The following PI4KA variants were observed in gnomAD, a reference collection of about 807,000 sequenced individuals.
PI4KA encodes PI4-kinase alpha.
A neutral mutation model predicts 271.4 loss-of-function variants in PI4KA; 122 were observed. The ratio of observed to expected loss-of-function variants is 0.45; its 90% CI spans 0.39 to 0.52. PI4KA has a LOEUF of 0.52. PI4KA is among the 20% of genes least tolerant of loss of function. The pLI, the probability that PI4KA is intolerant of heterozygous loss-of-function variation, is 0.00. For missense variants in PI4KA, 1,969 were observed against 2,769.1 expected (o/e 0.71, Z 6.48); for synonymous variants, 1,041 against 1,078.8 (o/e 0.96, Z 0.69).
chr22:20,799,299 G>A (rs778132952), intron 15 of PI4KA, 23 bp from the exon 16 acceptor site: 14 of 1,507,792 alleles, frequency 9.3e-6, no homozygotes, highest in South Asian at 2.7e-5. Context: ...GAACAGAAGC[G>A]CCCTAGCAAC....
chr22:20,736,073 G>GA (rs1928683080), intron 32 of PI4KA, among the ~76,000 whole-genome samples: 1 of 152,120 alleles, frequency 6.6e-6, no homozygotes, highest in South Asian at 2.1e-4. Context: ...CACACACTGA[G>GA]AAACACTAAG....
rs186928407 is a variant in PI4KA, at chr22:20,845,791, G to C, written c.157-7060C>G. Among the ~76,000 whole-genome samples the C allele has an allele frequency of 1.7e-3, 256 of 152,282 alleles. 2 individuals carry two copies. Among genetic ancestry groups the C allele is most frequent in the African/African-American group, 5.9e-3 (247 of 41,556 alleles). ...GAGGTGGGAGTACTGCTTGAGCCTA[G>C]GAGTTAGAGGCTGCAGTAAGCTATG... On this transcript the variant is annotated intron_variant, in intron 1 of 54. Transcript: ENST00000255882.
At chr22:20,778,529 T>G (rs1933485367) in intron 19 of PI4KA, among the ~76,000 whole-genome samples, 1 of 151,798 alleles carries the variant, frequency 6.6e-6, no homozygotes, top group Non-Finnish European at 1.5e-5. Context: ...CAAAAGCCAA[T>G]TACAACAACA....
chr22:20,743,478 C>CAA (rs1929700579), intron 30 of PI4KA, among the ~76,000 whole-genome samples: 1 of 149,514 alleles, frequency 6.7e-6, no homozygotes, highest in Non-Finnish European at 1.5e-5. Flanking sequence ...TTCTTTGAGA[C>CAA]AGAGTCTTGC....
intron 19 of PI4KA, among the ~76,000 whole-genome samples, chr22:20,769,594 A>G (rs1413291359): frequency 6.6e-6 from 1 of 151,386 alleles, no homozygotes; most frequent in Non-Finnish European, 1.5e-5. Flanking sequence ...GCTTGAAACC[A>G]GGAGGCCGAG....
intron 23 of PI4KA, among the ~76,000 whole-genome samples, chr22:20,757,551 C>CT (rs368768887): frequency 0.033 from 4,763 of 146,352 alleles, 107 homozygotes; most frequent in South Asian, 0.074. Context: ...GTTCTCCTTC[C>CT]TTTTTTTTTT....
At position 20,759,402 on chromosome 22, in the gene PI4KA, CTTTTTT is replaced by C. The variant is rs886192073; in HGVS notation, c.2791+1896_2791+1901del. Reference sequence around the variant, plus strand: ...TTGATTTTTCTTTTTCTTTTCTTTTCTTTTTTTTTTTTTTTTTTTTTGAGACAGAGT... The same window carrying C: ...TTGATTTTTCTTTTTCTTTTCTTTTCTTTTTTTTTTTTTTTGAGACAGAGT... On this transcript the variant is annotated intron_variant, in intron 23 of 54. Transcript: ENST00000255882. Among the ~76,000 whole-genome samples, 14 of 102,882 alleles carry C rather than the reference CTTTTTT, an allele frequency of 1.4e-4. No homozygotes were observed. The South Asian group carries it at 3.8e-3, about 28-fold the overall frequency. The allele number at this position is 102,882 out of a possible 152,430, so 67.5% of individuals were successfully genotyped here. A position where few individuals can be genotyped will look rare whatever the true frequency, so the allele number is the denominator to read the frequency against.
At chr22:20,750,516 G>A (rs1413902218) in intron 27 of PI4KA, among the ~76,000 whole-genome samples, 2 of 152,248 alleles carry the variant, frequency 1.3e-5, no homozygotes, top group East Asian at 3.8e-4. Flanking sequence ...CCTGGGGCCA[G>A]GAAGCCCACA....
chr22:20,821,096 C>G (rs932525052), intron 4 of PI4KA, among the ~76,000 whole-genome samples: 5 of 152,126 alleles, frequency 3.3e-5, no homozygotes, highest in Non-Finnish European at 7.3e-5. Flanking sequence ...TGGAACTCAC[C>G]CAGCATACTC....
rs554763800 is a variant in PI4KA, at chr22:20,752,989, G to A, written c.2901C>T (p.His967=). 32 of 1,614,150 alleles carry A rather than the reference G, an allele frequency of 2.0e-5. No homozygotes were observed. In the East Asian group the frequency reaches 2.2e-4, roughly 11 times the overall value. The change falls in exon 25 of 55, where the codon CAC becomes CAT. Residue 967 remains histidine (H), a synonymous_variant. Coordinates refer to ENST00000255882, the MANE Select transcript of PI4KA (RefSeq NM_058004.4). The part of the protein sequence containing the change: ...TKENEEELER[H]AQFLLVNFNH... ...TGAAGTTCACCAACAGGAACTGAGC[G>A]TGCCGCTCCAGCTCCTCCTCGTTCT...
At chr22:20,815,815 G>T (rs1921725687) in intron 7 of PI4KA, among the ~76,000 whole-genome samples, 1 of 152,206 alleles carries the variant, frequency 6.6e-6, no homozygotes, top group Non-Finnish European at 1.5e-5. Context: ...AAGACACCAT[G>T]AAATATGGGC....
intron 36 of PI4KA, 98 bp downstream of exon 36, chr22:20,732,873 T>G: frequency 6.9e-7 from 1 of 1,439,790 alleles, no homozygotes; most frequent in East Asian, 2.3e-5. Flanking sequence ...GGGGTCTAAC[T>G]GCTTTTCCGT....
At chr22:20,745,164 AAG>A in intron 29 of PI4KA, among the ~76,000 whole-genome samples, 1 of 152,168 alleles carries the variant, frequency 6.6e-6, no homozygotes, top group Admixed American at 6.5e-5. Flanking sequence ...GTCTAATGGG[AAG>A]AGACAGAAAA....
intron 36 of PI4KA, among the ~76,000 whole-genome samples, chr22:20,731,561 T>C (rs1380634020): frequency 6.6e-6 from 1 of 151,814 alleles, no homozygotes; most frequent in Non-Finnish European, 1.5e-5. Flanking sequence ...TTCAGGAGGC[T>C]GAGGCGGGCG....
intron 25 of PI4KA, among the ~76,000 whole-genome samples, chr22:20,752,509 A>C (rs945605431): frequency 6.6e-5 from 10 of 152,184 alleles, no homozygotes; most frequent in African/African-American, 2.2e-4. Flanking sequence ...CAGAACAAAG[A>C]GTATACAGCA....
intron 1 of PI4KA, among the ~76,000 whole-genome samples, chr22:20,856,005 G>T (rs1927544403): frequency 6.6e-6 from 1 of 152,228 alleles, no homozygotes; most frequent in African/African-American, 2.4e-5. Context: ...GTAATAGCTA[G>T]GCACAGTGGC....
intron 22 of PI4KA, among the ~76,000 whole-genome samples, chr22:20,762,512 TAG>T (rs1491135123): frequency 6.6e-6 from 1 of 152,176 alleles, no homozygotes; most frequent in Middle Eastern, 3.2e-3. Context: ...GGCTGCGTCT[TAG>T]AGTCTTCCTC....
intron 3 of PI4KA, among the ~76,000 whole-genome samples, chr22:20,828,324 T>C (rs149173912): frequency 2.5e-4 from 38 of 152,320 alleles, no homozygotes; most frequent in African/African-American, 8.4e-4. Flanking sequence ...ACTTCCTCTC[T>C]TCCTATCTGG....
chr22:20,800,950 G>T (rs1208675322), intron 14 of PI4KA, among the ~76,000 whole-genome samples: 1 of 149,008 alleles, frequency 6.7e-6, no homozygotes, highest in African/African-American at 2.5e-5. Context: ...GAGTGCAATG[G>T]TACAATCTCG....
Sources: allele counts gnomAD v4.1 joint callset (sites outside exome capture counted in the v4.1 genomes callset), GRCh38; gene constraint gnomAD v4.1.1; transcripts MANE v1.5; gene names NCBI Gene and HGNC (gene_info 2026-07-23, HGNC 2026-07-21).